DYNC2I2: variants seen among roughly 807,000 people sequenced by gnomAD.
The protein encoded by DYNC2I2 is cytoplasmic dynein 2 intermediate chain 2.
In DYNC2I2, 39 loss-of-function variants were observed where a neutral mutation model predicts 52.0. That is an observed-to-expected ratio of 0.75 (90% CI 0.58 to 0.98). The LOEUF (loss-of-function observed/expected upper bound fraction) is 0.98, where lower values mean the gene tolerates loss of function less well. DYNC2I2 is among the 50% of genes least tolerant of loss of function. The pLI is 0.00. For synonymous variants in DYNC2I2, 359 were observed against 321.1 expected, an observed-to-expected ratio of 1.12 and a Z score of -1.26; for missense variants, 743 against 728.4, an observed-to-expected ratio of 1.02 and a Z score of -0.23.
upstream of DYNC2I2, among the ~76,000 whole-genome samples, chr9:128,659,567 A>G (rs1384877824): frequency 6.6e-6 from 1 of 151,294 alleles, no homozygotes; most frequent in Non-Finnish European, 1.5e-5. Context: ...AGAGTTCGAG[A>G]TCAGCCTGGG....
upstream of DYNC2I2, among the ~76,000 whole-genome samples, chr9:128,661,359 C>G (rs1024732828): frequency 6.6e-6 from 1 of 151,042 alleles, no homozygotes. Context: ...GTGGCTCACG[C>G]CTGTAATCCA....
rs142269423 is a variant in DYNC2I2, at chr9:128,641,976, T to TACACACAC, written c.187-1045_187-1038dup. ...CAAAGCAGATGTTCATTTATATACATACACACACACACACACACACACACA... is the reference window on the plus strand; with the variant it reads ...CAAAGCAGATGTTCATTTATATACATACACACACACACACACACACACACACACACACA... On this transcript the variant is annotated intron_variant, in intron 1 of 8. Coordinates refer to ENST00000372715, the MANE Select transcript of DYNC2I2 (RefSeq NM_052844.4). 1.2e-3 allele frequency among the ~76,000 whole-genome samples: 179 copies of TACACACAC among 147,078 alleles called. 1 individual carries two copies. The highest frequency in any genetic ancestry group is 4.2e-3 in the African/African-American group (169 of 40,152).
chr9:128,669,814 G>A, the DYNC2I2 span, among the ~76,000 whole-genome samples: 3 of 152,094 alleles, frequency 2.0e-5, no homozygotes, highest in South Asian at 2.1e-4. Context: ...TAGTAGCTGC[G>A]ATTACAGGTG....
chr9:128,680,722 T>C, the DYNC2I2 span, among the ~76,000 whole-genome samples: 1 of 151,914 alleles, frequency 6.6e-6, no homozygotes, highest in Non-Finnish European at 1.5e-5. Flanking sequence ...TCGCCCAGTC[T>C]GGAGTGCGGT....
Position 128,656,789 on chromosome 9 carries a change from T to A in DYNC2I2, c.-63A>T. ...CGCGACCTCCGCCCCTACGCCGCCATGAGCGGAAAACGGGGAATGTGAGGC... is the reference window on the plus strand; with the variant it reads ...CGCGACCTCCGCCCCTACGCCGCCAAGAGCGGAAAACGGGGAATGTGAGGC... On this transcript the variant is annotated 5_prime_UTR_variant, in exon 1 of 9. The change abolishes an upstream ATG in the 5' untranslated region. Transcript: ENST00000372715. 1 of 1,308,048 alleles carries A rather than the reference T, an allele frequency of 7.6e-7. No individual in the cohort carries two copies. The highest frequency in any genetic ancestry group is 9.7e-7 in the Non-Finnish European group (1 of 1,026,004). The allele number at this position is 1,308,048 out of a possible 1,614,324, so 81.0% of individuals were successfully genotyped here.
the DYNC2I2 span, chr9:128,684,018 G>A: frequency 5.2e-6 from 8 of 1,531,602 alleles, no homozygotes; most frequent in Non-Finnish European, 7.1e-6. Flanking sequence ...GTACGTTTCT[G>A]CGCTAAGTTT....
At chr9:128,655,240 C>G (rs1040665502) in intron 1 of DYNC2I2, among the ~76,000 whole-genome samples, 4 of 150,406 alleles carry the variant, frequency 2.7e-5, no homozygotes, top group African/African-American at 7.3e-5. Flanking sequence ...TGGCTCACAC[C>G]TGTAATCCCA....
chr9:128,661,319 AAAAAC>A (rs1286509784), upstream of DYNC2I2, among the ~76,000 whole-genome samples: 1 of 151,040 alleles, frequency 6.6e-6, no homozygotes, highest in Non-Finnish European at 1.5e-5. Flanking sequence ...AAAAAAAAAA[AAAAAC>A]AAAAAGAAAA....
chr9:128,634,433 G>A (rs1002477022), intron 7 of DYNC2I2, 50 bp from the exon 8 acceptor site: 1 of 1,526,942 alleles, frequency 6.5e-7, no homozygotes. Context: ...TGGGGTCTGG[G>A]TGGTGCTGGC....
chr9:128,644,934 A>G (rs928811712), intron 1 of DYNC2I2, among the ~76,000 whole-genome samples: 1 of 152,188 alleles, frequency 6.6e-6, no homozygotes, highest in African/African-American at 2.4e-5. Flanking sequence ...AATTGTGCCT[A>G]CATGAGATGG....
Position 128,635,461 on chromosome 9 carries a change from G to A in DYNC2I2, c.813+197C>T. 1.0e-5 allele frequency: 8 copies of A among 797,120 alleles called. No individual in the cohort carries two copies. In the South Asian group the frequency reaches 1.4e-4, roughly 14 times the overall value. 49.4% of individuals were successfully genotyped at this position (797,120 alleles called of 1,614,324 possible). ...AGAATCCCAGCGCTGCTCACTCGGT[G>A]CCTGCAGAGGAGGCTGGGAATGGCC... On this transcript the variant is annotated intron_variant, in intron 5 of 8. Coordinates refer to ENST00000372715, the MANE Select transcript of DYNC2I2 (RefSeq NM_052844.4).
In DYNC2I2 at chr9:128,640,816, C is replaced by A; in HGVS notation, c.310G>T (p.Asp104Tyr). The change falls in exon 2 of 9, where the codon GAC becomes TAC. Residue 104 changes from aspartate to tyrosine, a missense_variant. Physicochemically the swap from Asp to Tyr is radical, Grantham distance 160 (BLOSUM62 -3). Coordinates refer to ENST00000372715, the MANE Select transcript of DYNC2I2 (RefSeq NM_052844.4). Reference protein sequence around the residue: ...PVSVQPPSQYDIPRLAAFLRR... With the variant: ...PVSVQPPSQYYIPRLAAFLRR... Reference sequence around the variant, plus strand: ...AGAAAGGCTGCGAGCCTGGGTATGTCATACTGGGACGGGGGCTGCACGCTG... The same window carrying A: ...AGAAAGGCTGCGAGCCTGGGTATGTAATACTGGGACGGGGGCTGCACGCTG... 1 of 1,614,140 alleles carries A rather than the reference C, an allele frequency of 6.2e-7. No homozygotes were observed. The highest frequency in any genetic ancestry group is 8.5e-7 in the Non-Finnish European group (1 of 1,180,038).
At chr9:128,684,348 G>A in the DYNC2I2 span, among the ~76,000 whole-genome samples, 1 of 152,074 alleles carries the variant, frequency 6.6e-6, no homozygotes, top group Admixed American at 6.6e-5. Flanking sequence ...CCAAATCCCC[G>A]ATTCCTGGTG....
the DYNC2I2 span, among the ~76,000 whole-genome samples, chr9:128,668,183 T>A: frequency 2.0e-5 from 3 of 151,954 alleles, no homozygotes; most frequent in East Asian, 1.9e-4. Flanking sequence ...ATGGTCTTGA[T>A]CTCCTGACCT....
At chr9:128,644,558 C>T (rs532890598) in intron 1 of DYNC2I2, among the ~76,000 whole-genome samples, 78 of 152,154 alleles carry the variant, frequency 5.1e-4, no homozygotes, top group Non-Finnish European at 9.6e-4. Flanking sequence ...GGATTACAGG[C>T]GTGAGCCACC....
the DYNC2I2 span, among the ~76,000 whole-genome samples, chr9:128,674,000 G>A: frequency 6.6e-6 from 1 of 151,256 alleles, no homozygotes; most frequent in African/African-American, 2.4e-5. Context: ...TAGAGACTGG[G>A]TTTCTTCATG....
At chr9:128,673,665 C>T in the DYNC2I2 span, among the ~76,000 whole-genome samples, 2 of 151,718 alleles carry the variant, frequency 1.3e-5, no homozygotes, top group African/African-American at 2.4e-5. Flanking sequence ...GCCACCAAGC[C>T]CGGCTAATGT....
intron 3 of DYNC2I2, 109 bp from the exon 4 acceptor site, chr9:128,636,547 A>C (rs1589429984): frequency 1.6e-6 from 2 of 1,244,480 alleles, no homozygotes; most frequent in Non-Finnish European, 2.2e-6. Context: ...CCTTGTCACC[A>C]CCAGACACTA....
At position 128,634,845 on chromosome 9, in the gene DYNC2I2, C is replaced by T. The variant is rs1860347142; in HGVS notation, c.1058G>A (p.Gly353Asp). 1 of 1,613,424 alleles carries T rather than the reference C, an allele frequency of 6.2e-7. No homozygotes were observed. The highest frequency in any genetic ancestry group is 1.3e-5 in the African/African-American group (1 of 74,940). ...SSFDPRLFILGTEGGFPLKCS... is the reference protein window; with the variant it reads ...SSFDPRLFILDTEGGFPLKCS... ...CTTGAGCGGGAAGCCGCCTTCCGTG[C>T]CCAGAATGAACAGCCTAGGGTCAAA... The change falls in exon 7 of 9, where the codon GGC becomes GAC. Residue 353 changes from glycine to aspartate, a missense_variant. Transcript: ENST00000372715.
Sources: allele counts gnomAD v4.1 joint callset (sites outside exome capture counted in the v4.1 genomes callset), GRCh38; gene constraint gnomAD v4.1.1; transcripts MANE v1.5; gene names NCBI Gene and HGNC (gene_info 2026-07-23, HGNC 2026-07-21).